The following LEKR1 variants were observed in gnomAD, a reference collection of about 807,000 sequenced individuals.
LEKR1 encodes leucine, glutamate and lysine rich 1.
A neutral mutation model predicts 72.4 loss-of-function variants in LEKR1; 59 were observed. The observed-to-expected ratio is 0.82, with a 90% CI of 0.66 to 1.01. The LOEUF is 1.01. LEKR1 is among the 50% of genes least tolerant of loss of function. LEKR1 has a pLI of 0.00. For missense variants in LEKR1, 728 were observed against 759.2 expected, an observed-to-expected ratio of 0.96 and a Z score of 0.48; for synonymous variants, 257 against 263.2, an observed-to-expected ratio of 0.98 and a Z score of 0.23.
At chr3:157,035,247 A>G (rs1441723887) in intron 12 of LEKR1, among the ~76,000 whole-genome samples, 1 of 152,152 alleles carries the variant, frequency 6.6e-6, no homozygotes, top group African/African-American at 2.4e-5. Flanking sequence ...AACCAAACCC[A>G]CAATATCTCT....
At chr3:156,851,345 A>G (rs147988544) in intron 2 of LEKR1, among the ~76,000 whole-genome samples, 29 of 152,300 alleles carry the variant, frequency 1.9e-4, no homozygotes, top group African/African-American at 7.0e-4. Context: ...AGGGAGGCGG[A>G]TTTGTGATGA....
intron 6 of LEKR1, among the ~76,000 whole-genome samples, chr3:156,963,636 T>A (rs1354331452): frequency 6.6e-6 from 1 of 151,598 alleles, no homozygotes; most frequent in Non-Finnish European, 1.5e-5. Context: ...GATTTCCTAC[T>A]ATAATCTAAA....
chr3:156,974,728 C>T lies in LEKR1; in HGVS notation c.746-4466C>T, dbSNP rs189370510. ...GCAACGCCCCCCTCTAATTAATATA[C>T]CTATAAATTTTTCTAACAGAAAAAT... On this transcript the variant is annotated intron_variant, in intron 6 of 12. Transcript: ENST00000356539. 8.0e-4 allele frequency among the ~76,000 whole-genome samples: 122 copies of T among 152,166 alleles called. 1 individual carries two copies. The Middle Eastern group carries it at 0.02, about 25-fold the overall frequency.
intron 9 of LEKR1, among the ~76,000 whole-genome samples, chr3:157,007,156 C>CG: frequency 1.3e-5 from 2 of 152,118 alleles, no homozygotes; most frequent in South Asian, 2.1e-4. Flanking sequence ...GAGCCGAGAT[C>CG]CGCCATTGCA....
At chr3:157,004,797 A>G (rs964199698) in intron 9 of LEKR1, among the ~76,000 whole-genome samples, 2 of 152,104 alleles carry the variant, frequency 1.3e-5, no homozygotes, top group Admixed American at 6.5e-5. Flanking sequence ...GAAAACATCA[A>G]AATTTATGAG....
In LEKR1 at chr3:156,899,210, T is replaced by C. The variant is rs559784110; in HGVS notation, c.264-21365T>C. Among the ~76,000 whole-genome samples the C allele has an allele frequency of 5.3e-4, 80 of 150,282 alleles. 1 individual carries two copies. The highest frequency in any genetic ancestry group is 2.6e-3 in the Admixed American group (39 of 15,008). On this transcript the variant is annotated intron_variant, in intron 3 of 12. Coordinates refer to ENST00000356539, the MANE Select transcript of LEKR1 (RefSeq NM_001004316.3). ...AAATTCAAACTTTCACCTGTGGTTT[T>C]CACCATTCTGTGTTCCTAGCTCTGT...
At chr3:156,885,322 G>A (rs1311597895) in intron 3 of LEKR1, among the ~76,000 whole-genome samples, 1 of 152,130 alleles carries the variant, frequency 6.6e-6, no homozygotes, top group Admixed American at 6.5e-5. Context: ...CATTGCTGGG[G>A]AGCTGGTGTG....
chr3:157,007,895 G>A (rs1235705197), intron 9 of LEKR1, among the ~76,000 whole-genome samples: 3 of 152,172 alleles, frequency 2.0e-5, no homozygotes, highest in Non-Finnish European at 4.4e-5. Flanking sequence ...TTGGATACAT[G>A]AATCAGATAC....
chr3:156,910,036 G>C (rs759377130), intron 3 of LEKR1, among the ~76,000 whole-genome samples: 3 of 151,964 alleles, frequency 2.0e-5, no homozygotes, highest in African/African-American at 7.3e-5. Context: ...CTTTCTCTTA[G>C]TATGCTAAGA....
At chr3:156,939,905 T>C (rs1057135343) in intron 5 of LEKR1, among the ~76,000 whole-genome samples, 4 of 152,176 alleles carry the variant, frequency 2.6e-5, no homozygotes, top group African/African-American at 9.6e-5. Context: ...GTAGTCCACA[T>C]TTTTCACAAA....
intron 12 of LEKR1, among the ~76,000 whole-genome samples, chr3:157,037,973 C>A (rs1735082698): frequency 6.6e-6 from 1 of 152,124 alleles, no homozygotes; most frequent in Non-Finnish European, 1.5e-5. Flanking sequence ...GTGATAGAAA[C>A]CAAGGTTGAA....
chr3:156,875,727 G>C (rs1718473506), intron 3 of LEKR1, among the ~76,000 whole-genome samples: 1 of 152,094 alleles, frequency 6.6e-6, no homozygotes, highest in African/African-American at 2.4e-5. Flanking sequence ...CGGGCGTGGT[G>C]GCTCACGCCT....
chr3:157,003,379 A>G (rs1404843092), intron 9 of LEKR1, among the ~76,000 whole-genome samples: 1 of 152,192 alleles, frequency 6.6e-6, no homozygotes, highest in East Asian at 1.9e-4. Flanking sequence ...GCTGTAACAA[A>G]TGACCACAAA....
At chr3:156,953,260 C>A (rs1275350476) in intron 6 of LEKR1, among the ~76,000 whole-genome samples, 1 of 151,426 alleles carries the variant, frequency 6.6e-6, no homozygotes, top group Admixed American at 6.6e-5. Context: ...CCCCAACACA[C>A]AGTTTCCCCT....
intron 6 of LEKR1, among the ~76,000 whole-genome samples, chr3:156,962,527 A>G (rs143547555): frequency 1.2e-3 from 188 of 152,300 alleles, no homozygotes; most frequent in African/African-American, 4.3e-3. Flanking sequence ...CCTGATCACC[A>G]TTTGAAATGT....
chr3:157,037,229 A>C (rs913974456), intron 12 of LEKR1, among the ~76,000 whole-genome samples: 1 of 152,202 alleles, frequency 6.6e-6, no homozygotes, highest in Non-Finnish European at 1.5e-5. Flanking sequence ...AATAGTTTAA[A>C]GATCTGAAAA....
At chr3:157,037,856 T>A (rs1178883050) in intron 12 of LEKR1, among the ~76,000 whole-genome samples, 1 of 152,000 alleles carries the variant, frequency 6.6e-6, no homozygotes, top group Non-Finnish European at 1.5e-5. Flanking sequence ...GAAAGAACAC[T>A]CCAGGCAAAG....
intron 3 of LEKR1, among the ~76,000 whole-genome samples, chr3:156,900,279 C>T (rs1370135057): frequency 2.0e-5 from 3 of 152,086 alleles, no homozygotes; most frequent in Non-Finnish European, 4.4e-5. Context: ...AATATTTGTG[C>T]TTATAAAAAA....
At chr3:156,864,018 A>G (rs1373690201) in intron 3 of LEKR1, among the ~76,000 whole-genome samples, 1 of 152,042 alleles carries the variant, frequency 6.6e-6, no homozygotes, top group Non-Finnish European at 1.5e-5. Flanking sequence ...TATTTGCCAC[A>G]TTTTAAACTA....
Sources: allele counts gnomAD v4.1 joint callset (sites outside exome capture counted in the v4.1 genomes callset), GRCh38; gene constraint gnomAD v4.1.1; transcripts MANE v1.5; gene names NCBI Gene and HGNC (gene_info 2026-07-23, HGNC 2026-07-21).